Variants in ARHGEF28 observed in about 807,000 individuals in gnomAD.
ARHGEF28 encodes Rho guanine nucleotide exchange factor 28, also known as 190 kDa guanine nucleotide exchange factor.
A neutral mutation model predicts 206.6 loss-of-function variants in ARHGEF28; 152 were observed. The observed-to-expected ratio is 0.74, with a 90% CI of 0.64 to 0.84. The LOEUF is 0.84. ARHGEF28 is among the 40% of genes least tolerant of loss of function. The probability of loss-of-function intolerance (pLI) is 0.00; values close to 1 mark genes in which losing one functional copy is unlikely to be tolerated. For synonymous variants in ARHGEF28, 763 were observed against 776.4 expected, an observed-to-expected ratio of 0.98 and a Z score of 0.29; for missense variants, 2,028 against 2,073.2, an observed-to-expected ratio of 0.98 and a Z score of 0.42.
At chr5:73,824,984 C>G (rs1756819661) in intron 9 of ARHGEF28, among the ~76,000 whole-genome samples, 2 of 152,146 alleles carry the variant, frequency 1.3e-5, no homozygotes, top group African/African-American at 4.8e-5. Context: ...TCTGAGAAAA[C>G]ATTACTAGAT....
intron 12 of ARHGEF28, 65 bp downstream of exon 12, chr5:73,846,540 A>T (rs972971485): frequency 2.1e-6 from 3 of 1,462,886 alleles, no homozygotes; most frequent in Non-Finnish European, 1.9e-6. Context: ...GCATTTACCC[A>T]TCTGTATCTG....
intron 2 of ARHGEF28, among the ~76,000 whole-genome samples, chr5:73,711,416 A>G (rs1388893104): frequency 6.6e-6 from 1 of 152,178 alleles, no homozygotes; most frequent in Non-Finnish European, 1.5e-5. Flanking sequence ...CAAATTGGGA[A>G]AAACTAAAAT....
chr5:73,778,823 A>G (rs1407511542), intron 6 of ARHGEF28, among the ~76,000 whole-genome samples: 1 of 152,242 alleles, frequency 6.6e-6, no homozygotes, highest in Non-Finnish European at 1.5e-5. Context: ...ATGAGATTAC[A>G]TATAGATTTT....
chr5:73,882,822 C>T (rs994244185), intron 23 of ARHGEF28, among the ~76,000 whole-genome samples: 1 of 152,112 alleles, frequency 6.6e-6, no homozygotes, highest in Non-Finnish European at 1.5e-5. Flanking sequence ...TGTCTTCCAA[C>T]CTTCTGAGAA....
At chr5:73,856,796 G>T (rs889864167) in intron 14 of ARHGEF28, among the ~76,000 whole-genome samples, 1 of 152,132 alleles carries the variant, frequency 6.6e-6, no homozygotes, top group African/African-American at 2.4e-5. Flanking sequence ...AGAGACTTTA[G>T]TTAGGAAATA....
chr5:73,911,526 C>T lies in ARHGEF28; in HGVS notation c.4899C>T (p.Gly1633=). ...SHKLWTAAGS[G]HQILPFHESS... ...AACTGTGGACAGCCGCTGGTTCCGG[C>T]CATCAGATACTTCCTTTCCATGAAA... The change falls in exon 35 of 36, where the codon GGC becomes GGT. Residue 1633 remains glycine (G), a synonymous_variant. Coordinates refer to ENST00000513042, the MANE Select transcript of ARHGEF28 (RefSeq NM_001177693.2). 6.2e-7 allele frequency: 1 copy of T among 1,612,622 alleles called. No homozygotes were observed. The highest frequency in any genetic ancestry group is 1.1e-5 in the South Asian group (1 of 90,676).
chr5:73,846,298 T>C lies in ARHGEF28; in HGVS notation c.1458T>C (p.Ser486=). 1 of 1,613,710 alleles carries C rather than the reference T, an allele frequency of 6.2e-7. No individual in the cohort carries two copies. The highest frequency in any genetic ancestry group is 8.5e-7 in the Non-Finnish European group (1 of 1,179,724). ...SSSLDALDAD[S]EGEGHSEPSH... Reference sequence around the variant, plus strand: ...GCCTTGATGCCTTGGACGCCGACAGTGAAGGGGAAGGGCATTCTGAGCCAT... The same window carrying C: ...GCCTTGATGCCTTGGACGCCGACAGCGAAGGGGAAGGGCATTCTGAGCCAT... Residue 486 remains serine (S), a synonymous_variant, in exon 12 of 36, where the codon AGT becomes AGC. Coordinates refer to ENST00000513042, the MANE Select transcript of ARHGEF28 (RefSeq NM_001177693.2).
chr5:73,636,149 G>A (rs1743701843), intron 1 of ARHGEF28, among the ~76,000 whole-genome samples: 2 of 152,100 alleles, frequency 1.3e-5, no homozygotes, highest in South Asian at 4.1e-4. Context: ...TAGTCTTCTT[G>A]TAAAAATGTT....
At chr5:73,685,664 C>G (rs931932810) in intron 2 of ARHGEF28, among the ~76,000 whole-genome samples, 3 of 152,056 alleles carry the variant, frequency 2.0e-5, no homozygotes, top group Admixed American at 2.0e-4. Flanking sequence ...TACTCTGTCA[C>G]CAGGCTGGAG....
intron 9 of ARHGEF28, among the ~76,000 whole-genome samples, chr5:73,821,341 G>T (rs1756574430): frequency 6.6e-6 from 1 of 152,098 alleles, no homozygotes; most frequent in Non-Finnish European, 1.5e-5. Flanking sequence ...TTTCCATGGA[G>T]AATTCTCTAT....
chr5:73,733,844 G>A (rs995194430), intron 2 of ARHGEF28, among the ~76,000 whole-genome samples: 1 of 152,130 alleles, frequency 6.6e-6, no homozygotes, highest in Non-Finnish European at 1.5e-5. Flanking sequence ...AGCTGTACAG[G>A]AAGCATGGTG....
intron 1 of ARHGEF28, among the ~76,000 whole-genome samples, chr5:73,654,418 T>C (rs1343747683): frequency 2.0e-5 from 3 of 151,990 alleles, no homozygotes; most frequent in African/African-American, 4.8e-5. Context: ...CACTGAGAGA[T>C]TGGCAGTAGG....
chr5:73,703,647 TTGTGTGTG>T (rs56160198), intron 2 of ARHGEF28, among the ~76,000 whole-genome samples: 2 of 139,610 alleles, frequency 1.4e-5, no homozygotes, highest in Non-Finnish European at 3.3e-5. Context: ...TTTCCCAGCA[TTGTGTGTG>T]TGTGTGTGTG....
At chr5:73,927,347 T>G (rs180972208) in intron 35 of ARHGEF28, among the ~76,000 whole-genome samples, 1 of 152,292 alleles carries the variant, frequency 6.6e-6, no homozygotes, top group Non-Finnish European at 1.5e-5. Context: ...CTCCAGTTTT[T>G]GTGACAAAAC....
chr5:73,677,678 A>G (rs1440438219), intron 1 of ARHGEF28, among the ~76,000 whole-genome samples: 2 of 152,254 alleles, frequency 1.3e-5, no homozygotes, highest in African/African-American at 4.8e-5. Context: ...CCGTAAGTCT[A>G]TAATACTGTA....
chr5:73,773,717 A>C (rs1301440168), intron 4 of ARHGEF28, 138 bp from the exon 5 acceptor site: 2 of 911,780 alleles, frequency 2.2e-6, no homozygotes, highest in Non-Finnish European at 3.2e-6. Context: ...AATGAGATAC[A>C]GTGATTGGGT....
intron 2 of ARHGEF28, among the ~76,000 whole-genome samples, chr5:73,693,945 T>G (rs1748014702): frequency 6.6e-6 from 1 of 152,148 alleles, no homozygotes; most frequent in Admixed American, 6.5e-5. Context: ...AGGACCATGG[T>G]AACTGTTTTA....
At chr5:73,824,368 A>G (rs1737834596) in intron 9 of ARHGEF28, among the ~76,000 whole-genome samples, 1 of 152,168 alleles carries the variant, frequency 6.6e-6, no homozygotes, top group Admixed American at 6.5e-5. Flanking sequence ...ATGACATAGG[A>G]CAAAATACAG....
Position 73,868,086 on chromosome 5 carries a change from T to A in ARHGEF28, c.2298-14T>A, listed in dbSNP as rs935766389. 6.2e-7 allele frequency: 1 copy of A among 1,612,730 alleles called. No homozygotes were observed. The highest frequency in any genetic ancestry group is 8.5e-7 in the Non-Finnish European group (1 of 1,179,334). The stretch of plus-strand genomic sequence containing the variant: ...GCTTCTGGGGCTAACTTTGCTCCCC[T>A]CCCTCTCTCCTAGCTTCAGGAGGTC... On this transcript the variant is annotated splice_polypyrimidine_tract_variant and intron_variant, in intron 19 of 35. Transcript: ENST00000513042.
Sources: gnomAD v4.1 joint callset for allele counts (sites outside exome capture counted in the v4.1 genomes callset) on GRCh38, gnomAD v4.1.1 for gene constraint, MANE v1.5 for transcripts, NCBI Gene and HGNC (gene_info 2026-07-23, HGNC 2026-07-21) for gene names.